PTPN21: variants seen among roughly 807,000 people sequenced by gnomAD.
The protein encoded by PTPN21 is tyrosine-protein phosphatase non-receptor type 21.
PTPN21 carries 77 observed loss-of-function variants against 131.8 expected under a neutral mutation model. The ratio of observed to expected loss-of-function variants is 0.58; its 90% CI spans 0.49 to 0.71. The LOEUF (loss-of-function observed/expected upper bound fraction) is 0.71. Ranked by LOEUF, PTPN21 falls within the 30% of genes least tolerant of loss-of-function variation. The pLI is 0.00. For synonymous variants in PTPN21, 715 were observed against 621.3 expected (o/e 1.15, Z -2.24); for missense variants, 1,552 against 1,527.1 (o/e 1.02, Z -0.27).
chr14:88,554,972 CGCGGCCGGAGCAGCGGG>C lies in PTPN21; in HGVS notation c.-541_-525del, dbSNP rs3832958. Among the ~76,000 whole-genome samples the C allele has an allele frequency of 0.24, 35,729 of 151,346 alleles. 4,403 individuals are homozygous for C. The highest frequency in any genetic ancestry group is 0.32 in the East Asian group (1,608 of 5,076). On this transcript the variant is annotated 5_prime_UTR_variant, in exon 1 of 19. Transcript: ENST00000556564. ...CAGACCGTCGGACCGACGCGGGACG[CGCGGCCGGAGCAGCGGG>C]GCGGCCGGGCCCAGGCGTCCCTCCC...
chr14:88,477,420 G>A (rs891748), intron 13 of PTPN21, among the ~76,000 whole-genome samples: 42,066 of 122,428 alleles, frequency 0.34, 8,278 homozygotes, highest in Middle Eastern at 0.52. Flanking sequence ...CTGCACTCCA[G>A]CCTGGGCAAC....
At chr14:88,547,685 G>A (rs777908848) in intron 2 of PTPN21, 1 of 455,354 alleles carries the variant, frequency 2.2e-6, no homozygotes, top group Non-Finnish European at 4.4e-6. Context: ...AGCAGGGACT[G>A]GTTACTGAGG....
intron 3 of PTPN21, among the ~76,000 whole-genome samples, chr14:88,508,393 C>G (rs991690747): frequency 6.6e-6 from 1 of 152,050 alleles, no homozygotes; most frequent in Non-Finnish European, 1.5e-5. Context: ...TCAGGCAATC[C>G]TAGTGCTTGG....
intron 2 of PTPN21, among the ~76,000 whole-genome samples, chr14:88,548,441 C>A (rs1476049745): frequency 1.3e-5 from 2 of 152,172 alleles, no homozygotes; most frequent in African/African-American, 4.8e-5. Context: ...ATAGGACTCC[C>A]TTGCCCCATC....
chr14:88,544,794 C>A (rs1455161744), intron 2 of PTPN21, among the ~76,000 whole-genome samples: 1 of 151,986 alleles, frequency 6.6e-6, no homozygotes, highest in Non-Finnish European at 1.5e-5. Flanking sequence ...CTGGAGGCAG[C>A]AATTCTCTGC....
chr14:88,528,797 C>T (rs2078515983), intron 2 of PTPN21, among the ~76,000 whole-genome samples: 1 of 152,192 alleles, frequency 6.6e-6, no homozygotes, highest in Non-Finnish European at 1.5e-5. Context: ...TTGTAAGTTG[C>T]CCAGTCTCAG....
chr14:88,501,159 A>T, intron 7 of PTPN21, 122 bp downstream of exon 7: 2 of 916,174 alleles, frequency 2.2e-6, no homozygotes, highest in Non-Finnish European at 3.5e-6. Flanking sequence ...CTCAGCTTTT[A>T]AGTTTCCAGA....
intron 6 of PTPN21, among the ~76,000 whole-genome samples, chr14:88,503,143 C>T (rs919512793): frequency 2.6e-5 from 4 of 151,714 alleles, no homozygotes; most frequent in Non-Finnish European, 5.9e-5. Context: ...TCAAGCGAAT[C>T]CCCTGCCTCA....
Position 88,468,053 on chromosome 14 carries a change from A to G in PTPN21, c.*84T>C. ...GCCACGCTGCGTGGATCAAGTGTCA[A>G]CGGGAAAGTATGAGTTAGGCAAGCG... On this transcript the variant is annotated 3_prime_UTR_variant, in exon 19 of 19. Transcript: ENST00000556564. 6.6e-7 allele frequency: 1 copy of G among 1,509,786 alleles called. No individual in the cohort carries two copies. The highest frequency in any genetic ancestry group is 9.1e-7 in the Non-Finnish European group (1 of 1,093,502). The allele number at this position is 1,509,786 out of a possible 1,614,324, so 93.5% of individuals were successfully genotyped here.
intron 3 of PTPN21, among the ~76,000 whole-genome samples, chr14:88,513,166 T>G (rs2078211534): frequency 6.6e-6 from 1 of 152,158 alleles, no homozygotes; most frequent in Non-Finnish European, 1.5e-5. Flanking sequence ...TGTATTCTTT[T>G]TTTTGTTTTG....
intron 2 of PTPN21, among the ~76,000 whole-genome samples, chr14:88,531,862 G>A (rs1007816461): frequency 3.9e-5 from 6 of 152,018 alleles, no homozygotes; most frequent in Admixed American, 3.3e-4. Context: ...GACCATTAGC[G>A]AGATTAACCA....
chr14:88,548,814 A>C (rs1162333215), intron 2 of PTPN21, among the ~76,000 whole-genome samples: 1 of 152,174 alleles, frequency 6.6e-6, no homozygotes, highest in East Asian at 1.9e-4. Flanking sequence ...ATAACATTTT[A>C]AATTTAAGAC....
rs1255547378 is a variant in PTPN21 at position 88,467,219 on chromosome 14, AT to A, written c.*917del. The A allele has an allele frequency of 6.6e-4, 101 of 152,272 alleles. No individual in the cohort carries two copies. Among genetic ancestry groups the A allele is most frequent in the African/African-American group, 2.4e-3 (98 of 41,548 alleles). The allele number at this position is 152,272 out of a possible 1,614,324, so 9.4% of individuals were successfully genotyped here. On this transcript the variant is annotated 3_prime_UTR_variant, in exon 19 of 19. Transcript: ENST00000556564. ...TCTCCCAAAACGCTTCTCAGCGCCCATTGTTATTGTGTCATCTACAAAGCAA... is the reference window on the plus strand; with the variant it reads ...TCTCCCAAAACGCTTCTCAGCGCCCATGTTATTGTGTCATCTACAAAGCAA...
chr14:88,497,440 C>G (rs575229721), intron 8 of PTPN21, 150 bp from the exon 9 acceptor site: 1 of 641,202 alleles, frequency 1.6e-6, no homozygotes, highest in South Asian at 1.9e-5. Context: ...ACGAGACCAG[C>G]CTGGCCAACA....
chr14:88,477,780 G>A (rs1463903076), intron 13 of PTPN21, among the ~76,000 whole-genome samples: 2 of 152,082 alleles, frequency 1.3e-5, no homozygotes, highest in Non-Finnish European at 2.9e-5. Flanking sequence ...GGAGATGTGG[G>A]CCAGGAAGAG....
intron 1 of PTPN21, among the ~76,000 whole-genome samples, chr14:88,554,334 C>T (rs2078898476): frequency 6.6e-6 from 1 of 152,206 alleles, no homozygotes; most frequent in Non-Finnish European, 1.5e-5. Flanking sequence ...TGGCGAATTT[C>T]ACGTTTATAT....
At position 88,469,745 on chromosome 14, in the gene PTPN21, G is replaced by T; in HGVS notation, c.3001-12C>A. ...TCCCTTCCACCCTCCTGTTAAAGATGAGCATGGTTAAATGACTCGAGATCC... is the reference window on the plus strand; with the variant it reads ...TCCCTTCCACCCTCCTGTTAAAGATTAGCATGGTTAAATGACTCGAGATCC... On this transcript the variant is annotated splice_polypyrimidine_tract_variant and intron_variant, in intron 16 of 18. Coordinates refer to ENST00000556564, the MANE Select transcript of PTPN21 (RefSeq NM_007039.4). This position sits in a 1 kb window ranked among gnomAD's most constrained non-coding sequence, Gnocchi z 4.3. 1.2e-6 allele frequency: 2 copies of T among 1,613,426 alleles called. No individual in the cohort carries two copies. Among genetic ancestry groups the T allele is most frequent in the Non-Finnish European group, 1.7e-6 (2 of 1,179,368 alleles).
chr14:88,546,575 CA>C (rs34657413), intron 2 of PTPN21, among the ~76,000 whole-genome samples: 64,456 of 100,236 alleles, frequency 0.64, 18,155 homozygotes, highest in Middle Eastern at 0.8. Context: ...AACTCCATCT[CA>C]AAAAAAAAAA....
At chr14:88,496,574 T>C in intron 9 of PTPN21, 82 bp from the exon 10 acceptor site, 2 of 1,056,698 alleles carry the variant, frequency 1.9e-6, no homozygotes, top group South Asian at 1.3e-5. Context: ...TCTAAAGACA[T>C]AATGGGTGAC....
Sources: allele counts gnomAD v4.1 joint callset (sites outside exome capture counted in the v4.1 genomes callset), GRCh38; gene constraint gnomAD v4.1.1; non-coding constraint Gnocchi (gnomAD v3.1); transcripts MANE v1.5; gene names NCBI Gene and HGNC (gene_info 2026-07-23, HGNC 2026-07-21).